The following ACER2 variants were observed in gnomAD, a reference collection of about 807,000 sequenced individuals.
ACER2 encodes alkaline ceramidase 2.
ACER2 carries 26 observed loss-of-function variants against 34.7 expected under a neutral mutation model. That is an observed-to-expected ratio of 0.75 (90% CI 0.55 to 1.04). The LOEUF (loss-of-function observed/expected upper bound fraction) is 1.04. Ranked by LOEUF, ACER2 falls within the 50% of genes least tolerant of loss-of-function variation. The pLI, the probability that ACER2 is intolerant of heterozygous loss-of-function variation, is 0.00. For missense variants in ACER2, 352 were observed against 340.8 expected, an observed-to-expected ratio of 1.03 and a Z score of -0.26; for synonymous variants, 138 against 132.1, an observed-to-expected ratio of 1.04 and a Z score of -0.31.
chr9:19,409,636 G>T (rs562961789), intron 1 of ACER2: 1 of 572,798 alleles, frequency 1.7e-6, no homozygotes, highest in Non-Finnish European at 2.2e-6. Flanking sequence ...GGAAGAGCAC[G>T]CCCCCCGCAG....
intron 3 of ACER2, among the ~76,000 whole-genome samples, chr9:19,432,906 C>G (rs1365668052): frequency 3.3e-5 from 5 of 151,164 alleles, no homozygotes; most frequent in African/African-American, 1.2e-4. Flanking sequence ...AACCCAAAAA[C>G]CCTTCATAGA....
intron 3 of ACER2, among the ~76,000 whole-genome samples, chr9:19,426,274 C>CTCTT (rs772040157): frequency 2.1e-5 from 3 of 145,080 alleles, no homozygotes; most frequent in Admixed American, 6.8e-5. Flanking sequence ...TTCTTTCTTT[C>CTCTT]TCTTTCTTTC....
chr9:19,445,576 A>T lies in ACER2; in HGVS notation c.504-705A>T, dbSNP rs993921091. ...CTGAGTGACATTTGAGCAAAGATTT[A>T]CATGTGAGGGAAGAGCATTCCAGGC... On this transcript the variant is annotated intron_variant, in intron 4 of 5. Transcript: ENST00000340967. Among the ~76,000 whole-genome samples the T allele has an allele frequency of 3.9e-5, 6 of 152,232 alleles. No individual in the cohort carries two copies. In the East Asian group the frequency reaches 1.2e-3, roughly 29 times the overall value.
Position 19,424,703 on chromosome 9 carries a change from T to A in ACER2, c.227T>A (p.Ile76Asn). 6.2e-7 allele frequency: 1 copy of A among 1,613,424 alleles called. No individual in the cohort carries two copies. The highest frequency in any genetic ancestry group is 1.1e-5 in the South Asian group (1 of 91,014). ...LIWTLLVVVG[I>N]GSVYFHATLS... is the part of the protein sequence containing the mutation. The stretch of plus-strand genomic sequence containing the variant: ...TATTGGTTGTAATTGATTCTAGGAA[T>A]TGGATCCGTCTACTTCCATGCAACC... The change falls in exon 3 of 6, where the codon ATT (isoleucine) becomes AAT (asparagine). Residue 76 changes from isoleucine to asparagine, a missense_variant. Coordinates refer to ENST00000340967, the MANE Select transcript of ACER2 (RefSeq NM_001010887.3).
intron 4 of ACER2, among the ~76,000 whole-genome samples, chr9:19,439,793 T>G (rs1446122553): frequency 6.6e-6 from 1 of 152,082 alleles, no homozygotes; most frequent in African/African-American, 2.4e-5. Context: ...GGATGAAACC[T>G]CATCTCTACT....
chr9:19,414,601 C>T (rs1830185970), intron 1 of ACER2, among the ~76,000 whole-genome samples: 1 of 152,070 alleles, frequency 6.6e-6, no homozygotes, highest in African/African-American at 2.4e-5. Flanking sequence ...CACTTGAGAC[C>T]AGCCTGAGCC....
At position 19,424,753 on chromosome 9, in the gene ACER2, G is replaced by T; in HGVS notation, c.277G>T (p.Asp93Tyr). ...ATLSFLGQMLDELAVLWVLMC... is the reference protein window; with the variant it reads ...ATLSFLGQMLYELAVLWVLMC... ...CCTTAGTTTCTTGGGTCAGATGCTT[G>T]ATGAACTTGCAGTCCTTTGGGTTCT... Residue 93 changes from aspartate (D) to tyrosine (Y), a missense_variant, in exon 3 of 6, where the codon GAT becomes TAT. Coordinates refer to ENST00000340967, the MANE Select transcript of ACER2 (RefSeq NM_001010887.3). 1 of 1,614,154 alleles carries T rather than the reference G, an allele frequency of 6.2e-7. No individual in the cohort carries two copies. The highest frequency in any genetic ancestry group is 1.7e-5 in the Admixed American group (1 of 60,020).
rs891545379 is a variant in ACER2, at chr9:19,452,476, T to A, written c.*1840T>A. On this transcript the variant is annotated 3_prime_UTR_variant, in exon 6 of 6. Transcript: ENST00000340967. ...TGGAACCCCAGTGTGTGAAGTAAAT[T>A]GTATGTTATTAAATTTATTTAAGGT... is the stretch of plus-strand genomic sequence containing the variant. 6.6e-6 allele frequency among the ~76,000 whole-genome samples: 1 copy of A among 152,182 alleles called. No individual in the cohort carries two copies. Among genetic ancestry groups the A allele is most frequent in the African/African-American group, 2.4e-5 (1 of 41,438 alleles).
At chr9:19,409,851 A>G in intron 1 of ACER2, 1 of 985,394 alleles carries the variant, frequency 1.0e-6, no homozygotes. Context: ...GAGGGATGAA[A>G]GGAAAGTTTG....
chr9:19,447,257 A>G (rs1831403024), intron 5 of ACER2, among the ~76,000 whole-genome samples: 2 of 152,212 alleles, frequency 1.3e-5, no homozygotes, highest in South Asian at 4.1e-4. Context: ...TGGTGAAGAA[A>G]TGGAAAAACT....
At chr9:19,426,731 G>T (rs977620537) in intron 3 of ACER2, among the ~76,000 whole-genome samples, 2 of 151,926 alleles carry the variant, frequency 1.3e-5, no homozygotes, top group African/African-American at 4.8e-5. Flanking sequence ...AAGAAAATGG[G>T]GTGATGACAT....
At chr9:19,434,579 T>C (rs534906724) in intron 3 of ACER2, among the ~76,000 whole-genome samples, 255 of 152,346 alleles carry the variant, frequency 1.7e-3, no homozygotes, top group Non-Finnish European at 2.6e-3. Context: ...GAGACCAGCC[T>C]GGCCAACACA....
intron 5 of ACER2, among the ~76,000 whole-genome samples, chr9:19,446,812 C>T (rs760539778): frequency 1.3e-5 from 2 of 152,022 alleles, no homozygotes; most frequent in Admixed American, 6.6e-5. Flanking sequence ...GTGGGAACCC[C>T]ACCTTTAGGG....
intron 5 of ACER2, 187 bp downstream of exon 5, chr9:19,446,605 A>G: frequency 1.0e-6 from 1 of 985,432 alleles, no homozygotes; most frequent in African/African-American, 1.7e-5. Context: ...AATTGACTCC[A>G]GGGAGCAGGC....
intron 1 of ACER2, among the ~76,000 whole-genome samples, chr9:19,423,159 C>T (rs1830458948): frequency 1.3e-5 from 2 of 151,578 alleles, no homozygotes; most frequent in South Asian, 4.2e-4. Flanking sequence ...GACCATGTCT[C>T]TTAAAAAAGG....
At chr9:19,410,446 A>T (rs1338178443) in intron 1 of ACER2, among the ~76,000 whole-genome samples, 5 of 152,176 alleles carry the variant, frequency 3.3e-5, no homozygotes, top group Non-Finnish European at 7.3e-5. Flanking sequence ...GTTGTGGCTC[A>T]CACCTGTATT....
chr9:19,423,345 G>A (rs569139138), intron 1 of ACER2, among the ~76,000 whole-genome samples: 1 of 152,258 alleles, frequency 6.6e-6, no homozygotes, highest in Admixed American at 6.5e-5. Context: ...AAGCAGCAGG[G>A]AGCCTCTTAA....
intron 4 of ACER2, among the ~76,000 whole-genome samples, chr9:19,445,190 C>T (rs1351620916): frequency 1.3e-5 from 2 of 152,220 alleles, no homozygotes; most frequent in African/African-American, 4.8e-5. Context: ...AACTCACCCA[C>T]TTTATGAGCA....
chr9:19,415,991 C>G (rs35414084), intron 1 of ACER2, among the ~76,000 whole-genome samples: 3 of 150,914 alleles, frequency 2.0e-5, no homozygotes, highest in Non-Finnish European at 2.9e-5. Context: ...CGTACCTATT[C>G]ATGTAAATGT....
Sources: gnomAD v4.1 joint callset for allele counts (sites outside exome capture counted in the v4.1 genomes callset) on GRCh38, gnomAD v4.1.1 for gene constraint, MANE v1.5 for transcripts, NCBI Gene and HGNC (gene_info 2026-07-23, HGNC 2026-07-21) for gene names.